SV2B: variants seen among roughly 807,000 people sequenced by gnomAD.
The protein encoded by SV2B is synaptic vesicle glycoprotein 2B.
A neutral mutation model predicts 73.9 loss-of-function variants in SV2B; 41 were observed. That is an observed-to-expected ratio of 0.56 (90% CI 0.43 to 0.72). SV2B has a LOEUF of 0.72. SV2B is among the 30% of genes least tolerant of loss of function. The pLI is 0.00. For synonymous variants in SV2B, 314 were observed against 314.2 expected, an observed-to-expected ratio of 1.00 and a Z score of 0.01; for missense variants, 764 against 857.8, an observed-to-expected ratio of 0.89 and a Z score of 1.37.
chr15:91,268,621 C>T lies in SV2B; in HGVS notation c.1373+16C>T, dbSNP rs373376456. 3.2e-4 allele frequency: 521 copies of T among 1,603,494 alleles called. 1 individual carries two copies. Among genetic ancestry groups the T allele is most frequent in the Admixed American group, 9.0e-4 (54 of 59,778 alleles). ...TGAATGATAAGTAAGTGAGTGATCA[C>T]GGGCTTCCCTCACATCAGGGTGACA... On this transcript the variant is annotated intron_variant, in intron 9 of 12. Transcript: ENST00000394232. The surrounding 1 kb of genome is among the most constrained non-coding windows in gnomAD (Gnocchi z 4.4).
At position 91,288,576 on chromosome 15, in the gene SV2B, T is replaced by G. The variant is rs1267194177; in HGVS notation, c.1709-945T>G. Among the ~76,000 whole-genome samples the G allele has an allele frequency of 2.6e-5, 4 of 152,190 alleles. No homozygotes were observed. The highest frequency in any genetic ancestry group is 7.2e-5 in the African/African-American group (3 of 41,444). ...ATCCTGCCTTCCAGGTTCATCCATG[T>G]TGTCATAAATGGCAGAATTCCTTTC... On this transcript the variant is annotated intron_variant, in intron 11 of 12. Coordinates refer to ENST00000394232, the MANE Select transcript of SV2B (RefSeq NM_001323032.3). This position sits in a 1 kb window ranked among gnomAD's most constrained non-coding sequence, Gnocchi z 5.8.
rs1192570447 is a variant in SV2B at position 91,220,987 on chromosome 15, C to T, written c.-391-4886C>T. Among the ~76,000 whole-genome samples the T allele has an allele frequency of 6.6e-6, 1 of 152,158 alleles. No individual in the cohort carries two copies. Among genetic ancestry groups the T allele is most frequent in the Non-Finnish European group, 1.5e-5 (1 of 68,032 alleles). On this transcript the variant is annotated intron_variant, in intron 1 of 12. Coordinates refer to ENST00000394232, the MANE Select transcript of SV2B (RefSeq NM_001323032.3). The surrounding 1 kb of genome is among the most constrained non-coding windows in gnomAD (Gnocchi z 4.1). ...CAAGTGATCTTCCTTCCTCTGCCTC[C>T]TGAGGAGCTGGGATTACAGGTGTGT...
At chr15:91,143,214 G>A (rs141895789) in intron 1 of SV2B, among the ~76,000 whole-genome samples, 8 of 152,322 alleles carry the variant, frequency 5.3e-5, no homozygotes, top group African/African-American at 1.9e-4. Flanking sequence ...TACCCACATA[G>A]GGCTGTCCAT....
In SV2B at chr15:91,121,748, A is replaced by C. The variant is rs1049038724; in HGVS notation, c.-392+21385A>C. ...CTCCTTTCCCCTTCGCGCTCACCTCAAGAAACCATCTATTTATATATTAAT... is the reference window on the plus strand; with the variant it reads ...CTCCTTTCCCCTTCGCGCTCACCTCCAGAAACCATCTATTTATATATTAAT... On this transcript the variant is annotated intron_variant, in intron 1 of 12. Transcript: ENST00000394232. The surrounding 1 kb of genome is among the most constrained non-coding windows in gnomAD (Gnocchi z 4.4). Among the ~76,000 whole-genome samples, 13 of 148,126 alleles carry C rather than the reference A, an allele frequency of 8.8e-5. No individual in the cohort carries two copies. The highest frequency in any genetic ancestry group is 1.8e-4 in the Non-Finnish European group (12 of 67,864).
In SV2B at chr15:91,267,228, C is replaced by CAAGGCT; in HGVS notation, c.1120-327_1120-326insAAGGCT. Among the ~76,000 whole-genome samples the CAAGGCT allele has an allele frequency of 6.6e-6, 1 of 152,188 alleles. No individual in the cohort carries two copies. Among genetic ancestry groups the CAAGGCT allele is most frequent in the Non-Finnish European group, 1.5e-5 (1 of 68,036 alleles). On this transcript the variant is annotated intron_variant, in intron 7 of 12. Coordinates refer to ENST00000394232, the MANE Select transcript of SV2B (RefSeq NM_001323032.3). This position sits in a 1 kb window ranked among gnomAD's most constrained non-coding sequence, Gnocchi z 4.3. ...GTAAATGTTTGCAATATCCCCCTTGCCCACAGGCAGGGAGTAGAACTCAGC... is the reference window on the plus strand; with the variant it reads ...GTAAATGTTTGCAATATCCCCCTTGCAAGGCTCCACAGGCAGGGAGTAGAACTCAGC...
rs2043917262 is a variant in SV2B, at chr15:91,166,539, T to C, written c.-391-59334T>C. On this transcript the variant is annotated intron_variant, in intron 1 of 12. Coordinates refer to ENST00000394232, the MANE Select transcript of SV2B (RefSeq NM_001323032.3). ...TTTGTTAAAATTGTTAAAAAATTTT[T>C]TCAGCACCTATCTTTTTCTCCTCCT... 2.0e-5 allele frequency among the ~76,000 whole-genome samples: 3 copies of C among 152,114 alleles called. No individual in the cohort carries two copies. In the South Asian group the frequency reaches 6.2e-4, roughly 32 times the overall value.
intron 1 of SV2B, among the ~76,000 whole-genome samples, chr15:91,222,601 T>C (rs573174361): frequency 1.3e-5 from 2 of 152,322 alleles, no homozygotes; most frequent in East Asian, 3.9e-4. Context: ...CAATGTGAGC[T>C]CTGCCAGCGA....
rs151212261 is a variant in SV2B, at chr15:91,236,413, T to C, written c.451+9699T>C. On this transcript the variant is annotated intron_variant, in intron 2 of 12. Coordinates refer to ENST00000394232, the MANE Select transcript of SV2B (RefSeq NM_001323032.3). The surrounding 1 kb of genome is among the most constrained non-coding windows in gnomAD (Gnocchi z 4.1). ...CCCTTGACCCACATGTTGGAAAATA[T>C]GATCTTCCAGACCACAGAAAGCACA... is the stretch of plus-strand genomic sequence containing the variant. Among the ~76,000 whole-genome samples the C allele has an allele frequency of 2.6e-4, 39 of 152,302 alleles. No homozygotes were observed. Among genetic ancestry groups the C allele is most frequent in the African/African-American group, 8.2e-4 (34 of 41,572 alleles).
chr15:91,218,558 T>C (rs531917335), intron 1 of SV2B, among the ~76,000 whole-genome samples: 61 of 152,326 alleles, frequency 4.0e-4, no homozygotes, highest in African/African-American at 1.4e-3. Context: ...CGTCTGAGTG[T>C]GTTGACTCTT....
At chr15:91,230,975 T>C (rs1318087468) in intron 2 of SV2B, among the ~76,000 whole-genome samples, 1 of 152,208 alleles carries the variant, frequency 6.6e-6, no homozygotes, top group Non-Finnish European at 1.5e-5. Flanking sequence ...GATTTGTTTT[T>C]GCAATTGCTC....
At chr15:91,274,020 A>G (rs2048403098) in intron 9 of SV2B, among the ~76,000 whole-genome samples, 1 of 151,880 alleles carries the variant, frequency 6.6e-6, no homozygotes, top group Non-Finnish European at 1.5e-5. Flanking sequence ...TATGATTTTG[A>G]GAATACTCTG....
chr15:91,273,739 T>A (rs1302179737), intron 9 of SV2B, among the ~76,000 whole-genome samples: 1 of 152,194 alleles, frequency 6.6e-6, no homozygotes, highest in Non-Finnish European at 1.5e-5. Flanking sequence ...CTTTATAAAA[T>A]CATAAACTAT....
Position 91,265,867 on chromosome 15 carries a change from G to A in SV2B, c.1009-715G>A, listed in dbSNP as rs1476967799. On this transcript the variant is annotated intron_variant, in intron 6 of 12. Transcript: ENST00000394232. The surrounding 1 kb of genome is among the most constrained non-coding windows in gnomAD (Gnocchi z 4.2). ...GCTTAAGAACCACTGTTTTGGCTGG[G>A]CGCAGTGGCTCACGCCTATAATCCC... Among the ~76,000 whole-genome samples, 2 of 152,226 alleles carry A rather than the reference G, an allele frequency of 1.3e-5. No individual in the cohort carries two copies. Among genetic ancestry groups the A allele is most frequent in the African/African-American group, 4.8e-5 (2 of 41,456 alleles).
At position 91,294,064 on chromosome 15, in the gene SV2B, C is replaced by T. The variant is rs1045963104; in HGVS notation, c.*1512C>T. ...CCAGCGGAGGTGAACTTGCACCTGC[C>T]CAGGCCGGATGAACATCAGCCTGCA... On this transcript the variant is annotated 3_prime_UTR_variant, in exon 13 of 13. Transcript: ENST00000394232. This position sits in a 1 kb window ranked among gnomAD's most constrained non-coding sequence, Gnocchi z 4.1. The T allele has an allele frequency of 3.3e-5, 5 of 152,158 alleles. No individual in the cohort carries two copies. The highest frequency in any genetic ancestry group is 1.2e-4 in the African/African-American group (5 of 41,420). The allele number at this position is 152,158 out of a possible 1,614,324, so 9.4% of individuals were successfully genotyped here. A position where few individuals can be genotyped will look rare whatever the true frequency, so the allele number is the denominator to read the frequency against.
Position 91,245,935 on chromosome 15 carries a change from C to G in SV2B, c.452-5884C>G, listed in dbSNP as rs1033270259. On this transcript the variant is annotated intron_variant, in intron 2 of 12. Transcript: ENST00000394232. The surrounding 1 kb of genome is among the most constrained non-coding windows in gnomAD (Gnocchi z 4.2). Reference sequence around the variant, plus strand: ...GAGACCATAGAAGATTGGCAAAGTACATTTTACAAGTAAAATATCTATGCT... The same window carrying G: ...GAGACCATAGAAGATTGGCAAAGTAGATTTTACAAGTAAAATATCTATGCT... 1.4e-4 allele frequency among the ~76,000 whole-genome samples: 21 copies of G among 151,676 alleles called. No homozygotes were observed. The highest frequency in any genetic ancestry group is 5.1e-4 in the African/African-American group (21 of 41,276).
chr15:91,254,240 T>C (rs1036079801), intron 4 of SV2B, among the ~76,000 whole-genome samples: 4 of 151,278 alleles, frequency 2.6e-5, no homozygotes, highest in African/African-American at 7.3e-5. Flanking sequence ...ACTTCTTTTT[T>C]TTTTTTTTTT....
intron 1 of SV2B, among the ~76,000 whole-genome samples, chr15:91,160,240 TAATA>T (rs958107579): frequency 2.0e-5 from 3 of 152,180 alleles, no homozygotes; most frequent in African/African-American, 7.2e-5. Context: ...TCATATCAGA[TAATA>T]AATGTGTGGA....
intron 2 of SV2B, among the ~76,000 whole-genome samples, chr15:91,228,442 A>G (rs886535498): frequency 1.3e-5 from 2 of 152,194 alleles, no homozygotes; most frequent in Admixed American, 1.3e-4. Context: ...CAAACAAAAC[A>G]AAACCATCTC....
intron 1 of SV2B, among the ~76,000 whole-genome samples, chr15:91,161,719 C>T (rs2043725066): frequency 6.6e-6 from 1 of 152,160 alleles, no homozygotes; most frequent in Non-Finnish European, 1.5e-5. Context: ...GGATTTGAAC[C>T]TAGAATCTAG....
Sources: gnomAD v4.1 joint callset for allele counts (sites outside exome capture counted in the v4.1 genomes callset) on GRCh38, gnomAD v4.1.1 for gene constraint, Gnocchi (gnomAD v3.1) non-coding constraint, MANE v1.5 for transcripts, NCBI Gene and HGNC (gene_info 2026-07-23, HGNC 2026-07-21) for gene names.